ZSCAN1: variants seen among roughly 807,000 people sequenced by gnomAD.
The protein encoded by ZSCAN1 is zinc finger and SCAN domain-containing protein 1.
ZSCAN1 carries 23 observed loss-of-function variants against 23.8 expected under a neutral mutation model. That is an observed-to-expected ratio of 0.97 (90% CI 0.70 to 1.37). The LOEUF (loss-of-function observed/expected upper bound fraction) is 1.37, where lower values mean the gene tolerates loss of function less well. Ranked by LOEUF, ZSCAN1 falls within the 40% of genes most tolerant of loss-of-function variation. The probability of loss-of-function intolerance (pLI) is 0.00; values close to 1 mark genes in which losing one functional copy is unlikely to be tolerated. For missense variants in ZSCAN1, 575 were observed against 554.0 expected (o/e 1.04, Z -0.38); for synonymous variants, 236 against 232.3 (o/e 1.02, Z -0.15).
chr19:58,038,762 G>C (rs956620998), intron 3 of ZSCAN1, among the ~76,000 whole-genome samples: 2 of 152,186 alleles, frequency 1.3e-5, no homozygotes, highest in Non-Finnish European at 2.9e-5. Context: ...ACCCCACGTC[G>C]AGATTCCATC....
At chr19:58,052,976 T>C (rs2073868124) in intron 5 of ZSCAN1, among the ~76,000 whole-genome samples, 5 of 125,792 alleles carry the variant, frequency 4.0e-5, no homozygotes, top group African/African-American at 8.9e-5. Context: ...TTTTTTTTTT[T>C]CGAGACAGAG....
In ZSCAN1 at chr19:58,047,781, G is replaced by C. The variant is rs2123436449; in HGVS notation, c.466-4709G>C. 6.6e-6 allele frequency among the ~76,000 whole-genome samples: 1 copy of C among 152,346 alleles called. No individual in the cohort carries two copies. The highest frequency in any genetic ancestry group is 2.1e-4 in the South Asian group (1 of 4,832). On this transcript the variant is annotated intron_variant, in intron 4 of 5. Transcript: ENST00000282326. This position sits in a 1 kb window ranked among gnomAD's most constrained non-coding sequence, Gnocchi z 4.9. ...CCGAGGCACGAAGACGAGGCACAGG[G>C]CATCCCCTGGGGCTTCAAGGGCAAC...
At position 58,040,657 on chromosome 19, in the gene ZSCAN1, TC is replaced by T; in HGVS notation, c.465+116del. 2.8e-6 allele frequency: 3 copies of T among 1,062,636 alleles called. No homozygotes were observed. Among genetic ancestry groups the T allele is most frequent in the Non-Finnish European group, 2.8e-6 (2 of 720,912 alleles). The allele number at this position is 1,062,636 out of a possible 1,614,324, so 65.8% of individuals were successfully genotyped here. A position where few individuals can be genotyped will look rare whatever the true frequency, so the allele number is the denominator to read the frequency against. On this transcript the variant is annotated intron_variant, in intron 4 of 5. Transcript: ENST00000282326. This position sits in a 1 kb window ranked among gnomAD's most constrained non-coding sequence, Gnocchi z 5.8. The stretch of plus-strand genomic sequence containing the variant: ...GACTGTGTGAGGTTGTCCCCAGCGC[TC>T]CCAGGAAGCCCGGCCTCCAAACTCC...
Position 58,047,369 on chromosome 19 carries a change from C to G in ZSCAN1, c.466-5121C>G, listed in dbSNP as rs2123435587. ...TCCCTGCTGGCAGGGCCGGTTCTCA[C>G]CTGCAGTTTTCCTTGTGTATCGGAG... On this transcript the variant is annotated intron_variant, in intron 4 of 5. Transcript: ENST00000282326. This position sits in a 1 kb window ranked among gnomAD's most constrained non-coding sequence, Gnocchi z 4.9. Among the ~76,000 whole-genome samples the G allele has an allele frequency of 6.6e-6, 1 of 152,362 alleles. No individual in the cohort carries two copies. The highest frequency in any genetic ancestry group is 1.5e-5 in the Non-Finnish European group (1 of 68,042).
chr19:58,035,168 C>G (rs1332680901), intron 1 of ZSCAN1, among the ~76,000 whole-genome samples: 1 of 152,150 alleles, frequency 6.6e-6, no homozygotes, highest in Non-Finnish European at 1.5e-5. Context: ...GACCCCAGGG[C>G]CACCACAGCA....
chr19:58,048,306 CTG>C (rs1003652153), intron 4 of ZSCAN1, among the ~76,000 whole-genome samples: 57 of 152,148 alleles, frequency 3.7e-4, no homozygotes, highest in African/African-American at 1.3e-3. Context: ...GTGTTTCAAG[CTG>C]TGTTTCTTAA....
In ZSCAN1 at chr19:58,053,503, GA is replaced by G; in HGVS notation, c.680del (p.Asp227AlafsTer8). 6.2e-7 allele frequency: 1 copy of G among 1,614,144 alleles called. No individual in the cohort carries two copies. The highest frequency in any genetic ancestry group is 8.5e-7 in the Non-Finnish European group (1 of 1,180,038). On this transcript the variant is annotated frameshift_variant, in exon 6 of 6. Coordinates refer to ENST00000282326, the MANE Select transcript of ZSCAN1 (RefSeq NM_182572.4). LOFTEE classifies it low-confidence loss of function (END_TRUNC). This position sits in a 1 kb window ranked among gnomAD's most constrained non-coding sequence, Gnocchi z 5.8. ...PEDLLAGPSS[D>X]LRAEGTVISS... Reference sequence around the variant, plus strand: ...GGACCTTCTCGCAGGGCCCTCCTCAGACCTGCGGGCAGAAGGGACTGTGATC... The same window carrying G: ...GGACCTTCTCGCAGGGCCCTCCTCAGCCTGCGGGCAGAAGGGACTGTGATC...
chr19:58,055,476 T>G (rs1487345965), downstream of ZSCAN1, among the ~76,000 whole-genome samples: 1 of 152,224 alleles, frequency 6.6e-6, no homozygotes, highest in African/African-American at 2.4e-5. Flanking sequence ...TCCTATGCCT[T>G]AATTGCTGGT....
rs1042123980 is a variant in ZSCAN1 at position 58,040,840 on chromosome 19, G to A, written c.465+296G>A. 2.6e-5 allele frequency among the ~76,000 whole-genome samples: 4 copies of A among 152,152 alleles called. No individual in the cohort carries two copies. The highest frequency in any genetic ancestry group is 6.5e-5 in the Admixed American group (1 of 15,286). ...TAAGACCCATCCTCCTGTGTCACCC[G>A]CACCAGATGCTGCGTGTGTTGAGAA... is the stretch of plus-strand genomic sequence containing the variant. On this transcript the variant is annotated intron_variant, in intron 4 of 5. Coordinates refer to ENST00000282326, the MANE Select transcript of ZSCAN1 (RefSeq NM_182572.4). The surrounding 1 kb of genome is among the most constrained non-coding windows in gnomAD (Gnocchi z 5.8).
chr19:58,053,891 G>GC lies in ZSCAN1; in HGVS notation c.1072dup (p.Arg358ProfsTer26). 6.2e-7 allele frequency: 1 copy of GC among 1,613,274 alleles called. No homozygotes were observed. Among genetic ancestry groups the GC allele is most frequent in the East Asian group, 2.2e-5 (1 of 44,844 alleles). On this transcript the variant is annotated frameshift_variant, in exon 6 of 6. Coordinates refer to ENST00000282326, the MANE Select transcript of ZSCAN1 (RefSeq NM_182572.4). LOFTEE classifies it low-confidence loss of function (END_TRUNC). The surrounding 1 kb of genome is among the most constrained non-coding windows in gnomAD (Gnocchi z 5.8). ...AGGAAGAAAGCCCCCCGGAGCAAGG[G>GC]CCCCCGGGAGTCCGTCCCACCCAGG...
chr19:58,052,455 G>C (rs766635792), intron 4 of ZSCAN1, 35 bp from the exon 5 acceptor site: 1 of 1,613,200 alleles, frequency 6.2e-7, no homozygotes. Flanking sequence ...CTCCTGAGGG[G>C]CAGCTGCCGA....
intron 4 of ZSCAN1, among the ~76,000 whole-genome samples, chr19:58,043,200 T>C (rs983790084): frequency 6.6e-6 from 1 of 152,244 alleles, no homozygotes; most frequent in Non-Finnish European, 1.5e-5. Context: ...CGACTGGCGA[T>C]CGCTGAGCGC....
At chr19:58,048,104 A>G (rs28585406) in intron 4 of ZSCAN1, among the ~76,000 whole-genome samples, 4,143 of 152,334 alleles carry the variant, frequency 0.027, 173 homozygotes, top group African/African-American at 0.093. Flanking sequence ...CTTTTTGTTC[A>G]GCCATTAAAG....
Position 58,040,445 on chromosome 19 carries a change from C to T in ZSCAN1, c.371-5C>T. ...CCCCTCTCACGATCCCTTTCTCCCG[C>T]ACAGTTCTGGTATCTCTGGACTCGG... is the stretch of plus-strand genomic sequence containing the variant. On this transcript the variant is annotated splice_region_variant and splice_polypyrimidine_tract_variant and intron_variant, in intron 3 of 5. Coordinates refer to ENST00000282326, the MANE Select transcript of ZSCAN1 (RefSeq NM_182572.4). This position sits in a 1 kb window ranked among gnomAD's most constrained non-coding sequence, Gnocchi z 5.8. 6.2e-7 allele frequency: 1 copy of T among 1,613,450 alleles called. No homozygotes were observed. The highest frequency in any genetic ancestry group is 8.5e-7 in the Non-Finnish European group (1 of 1,179,886).
Position 58,040,673 on chromosome 19 carries a change from C to T in ZSCAN1, c.465+129C>T, listed in dbSNP as rs1224597943. 13 of 847,716 alleles carry T rather than the reference C, an allele frequency of 1.5e-5. No individual in the cohort carries two copies. The highest frequency in any genetic ancestry group is 2.4e-5 in the Non-Finnish European group (13 of 540,006). 52.5% of individuals were successfully genotyped at this position (847,716 alleles called of 1,614,324 possible). The stretch of plus-strand genomic sequence containing the variant: ...CCCCAGCGCTCCCAGGAAGCCCGGC[C>T]TCCAAACTCCCCGCCTGCCCCACAG... On this transcript the variant is annotated intron_variant, in intron 4 of 5. Coordinates refer to ENST00000282326, the MANE Select transcript of ZSCAN1 (RefSeq NM_182572.4). The surrounding 1 kb of genome is among the most constrained non-coding windows in gnomAD (Gnocchi z 5.8).
rs367627445 is a variant in ZSCAN1 at position 58,053,492 on chromosome 19, G to A, written c.668G>A (p.Gly223Glu). ...GACGAGCCTGAGGACCTTCTCGCAG[G>A]GCCCTCCTCAGACCTGCGGGCAGAA... ...IWDEPEDLLA[G>E]PSSDLRAEGT... The change falls in exon 6 of 6, where the codon GGG becomes GAG. Residue 223 changes from glycine (G) to glutamate (E), a missense_variant. Physicochemically the swap from Gly to Glu is moderately conservative, Grantham distance 98. Transcript: ENST00000282326. This position sits in a 1 kb window ranked among gnomAD's most constrained non-coding sequence, Gnocchi z 5.8. 3 of 1,613,904 alleles carry A rather than the reference G, an allele frequency of 1.9e-6. No homozygotes were observed. Among genetic ancestry groups the A allele is most frequent in the Non-Finnish European group, 2.5e-6 (3 of 1,179,966 alleles).
chr19:58,036,082 ACGCAT>A (rs1180440213), intron 2 of ZSCAN1, 71 bp downstream of exon 2: 1 of 152,208 alleles, frequency 6.6e-6, no homozygotes, highest in Admixed American at 6.6e-5. Context: ...TATGACACTC[ACGCAT>A]CATCCTGCAT....
chr19:58,036,221 C>G (rs1006628306), intron 2 of ZSCAN1, among the ~76,000 whole-genome samples: 1 of 152,134 alleles, frequency 6.6e-6, no homozygotes, highest in African/African-American at 2.4e-5. Context: ...GTAGTTGATC[C>G]CACCACGTTC....
Position 58,045,710 on chromosome 19 carries a change from G to C in ZSCAN1, c.465+5166G>C. The stretch of plus-strand genomic sequence containing the variant: ...GAGCTGCAGGCGGCATGTCGGGCAC[G>C]AGGCATGCGGGCCCTGGGCGTCAGG... On this transcript the variant is annotated intron_variant, in intron 4 of 5. Coordinates refer to ENST00000282326, the MANE Select transcript of ZSCAN1 (RefSeq NM_182572.4). The surrounding 1 kb of genome is among the most constrained non-coding windows in gnomAD (Gnocchi z 4.3). 2 of 1,014,172 alleles carry C rather than the reference G, an allele frequency of 2.0e-6. No individual in the cohort carries two copies. Among genetic ancestry groups the C allele is most frequent in the South Asian group, 1.3e-5 (1 of 78,120 alleles). The allele number at this position is 1,014,172 out of a possible 1,614,324, so 62.8% of individuals were successfully genotyped here.
Sources: allele counts gnomAD v4.1 joint callset (sites outside exome capture counted in the v4.1 genomes callset), GRCh38; gene constraint gnomAD v4.1.1; non-coding constraint Gnocchi (gnomAD v3.1); transcripts MANE v1.5; gene names NCBI Gene and HGNC (gene_info 2026-07-23, HGNC 2026-07-21).